COLEC12: variants seen among roughly 807,000 people sequenced by gnomAD.
COLEC12 encodes collectin subfamily member 12.
A neutral mutation model predicts 71.1 loss-of-function variants in COLEC12; 33 were observed. The observed-to-expected ratio is 0.46, with a 90% CI of 0.35 to 0.62. COLEC12 has a LOEUF of 0.62. COLEC12 is among the 20% of genes least tolerant of loss of function. The pLI, the probability that COLEC12 is intolerant of heterozygous loss-of-function variation, is 0.00. For missense variants in COLEC12, 765 were observed against 916.1 expected (o/e 0.84, Z 2.13); for synonymous variants, 350 against 353.0 (o/e 0.99, Z 0.10).
chr18:400,097 G>C (rs576730448), intron 2 of COLEC12, among the ~76,000 whole-genome samples: 139 of 152,280 alleles, frequency 9.1e-4, no homozygotes, highest in African/African-American at 3.1e-3. Flanking sequence ...AGGTCTGCTG[G>C]TGTCACTAGA....
chr18:371,948 G>C (rs994357033), intron 2 of COLEC12, among the ~76,000 whole-genome samples: 3 of 152,310 alleles, frequency 2.0e-5, no homozygotes, highest in Admixed American at 6.5e-5. Flanking sequence ...AATCGATCAA[G>C]TACGTGAGTT....
chr18:382,612 C>A (rs528621511), intron 2 of COLEC12, among the ~76,000 whole-genome samples: 37 of 152,268 alleles, frequency 2.4e-4, no homozygotes, highest in African/African-American at 8.2e-4. Flanking sequence ...TAGCACTAAT[C>A]CCCCCGAGCC....
chr18:369,401 T>TTATTTA lies in COLEC12; in HGVS notation c.59-11880_59-11879insTAAATA, dbSNP rs1555615264. On this transcript the variant is annotated intron_variant, in intron 2 of 9. Coordinates refer to ENST00000400256, the MANE Select transcript of COLEC12 (RefSeq NM_130386.3). The stretch of plus-strand genomic sequence containing the variant: ...GATACAGATCTTTTTTTTTTTATTT[T>TTATTTA]TTTTTATTTTTATTTTTATTTTTAT... Among the ~76,000 whole-genome samples, 6 of 132,400 alleles carry TTATTTA rather than the reference T, an allele frequency of 4.5e-5. 1 individual carries two copies. The highest frequency in any genetic ancestry group is 1.6e-5 in the Non-Finnish European group (1 of 63,956). 86.9% of individuals were successfully genotyped at this position (132,400 alleles called of 152,430 possible).
At chr18:415,012 A>G (rs1915960069) in intron 2 of COLEC12, among the ~76,000 whole-genome samples, 1 of 152,230 alleles carries the variant, frequency 6.6e-6, no homozygotes, top group East Asian at 1.9e-4. Flanking sequence ...CTACTGTCCC[A>G]AAGACAAGAG....
At chr18:389,206 CAG>C (rs1915408375) in intron 2 of COLEC12, among the ~76,000 whole-genome samples, 2 of 117,778 alleles carry the variant, frequency 1.7e-5, no homozygotes, top group East Asian at 4.4e-4. Flanking sequence ...CACACACACA[CAG>C]ACACACACAC....
intron 2 of COLEC12, among the ~76,000 whole-genome samples, chr18:420,475 C>T (rs1191609364): frequency 1.3e-5 from 2 of 152,068 alleles, no homozygotes; most frequent in Non-Finnish European, 1.5e-5. Context: ...AGATTAAATG[C>T]CTTCTGTATA....
chr18:419,511 A>G (rs536937865), intron 2 of COLEC12, among the ~76,000 whole-genome samples: 1 of 152,310 alleles, frequency 6.6e-6, no homozygotes, highest in African/African-American at 2.4e-5. Flanking sequence ...AGCCCTGTAT[A>G]TATTTTAAAT....
At chr18:384,011 C>A (rs1351450586) in intron 2 of COLEC12, among the ~76,000 whole-genome samples, 1 of 152,124 alleles carries the variant, frequency 6.6e-6, no homozygotes. Flanking sequence ...ATCGGGGAAA[C>A]CGCCCCCATG....
Position 321,650 on chromosome 18 carries a change from TCTA to T in COLEC12, c.2209+9_2209+11del. The T allele has an allele frequency of 1.2e-6, 2 of 1,614,110 alleles. No individual in the cohort carries two copies. Among genetic ancestry groups the T allele is most frequent in the Non-Finnish European group, 1.7e-6 (2 of 1,179,986 alleles). ...GCTGGCAGCTCCCTCTTAAATCCCA[TCTA>T]CTGCTCACCTGTCTCCCTGTCTTTT... On this transcript the variant is annotated intron_variant, in intron 9 of 9. Coordinates refer to ENST00000400256, the MANE Select transcript of COLEC12 (RefSeq NM_130386.3).
intron 2 of COLEC12, among the ~76,000 whole-genome samples, chr18:364,506 T>C (rs953272980): frequency 5.9e-5 from 9 of 152,220 alleles, no homozygotes; most frequent in Non-Finnish European, 1.2e-4. Context: ...CATTTTATTC[T>C]ATGGGCACAG....
chr18:346,722 G>A lies in COLEC12; in HGVS notation c.900C>T (p.Ile300=), dbSNP rs781630091. 3 of 1,614,206 alleles carry A rather than the reference G, an allele frequency of 1.9e-6. No homozygotes were observed. Among genetic ancestry groups the A allele is most frequent in the Non-Finnish European group, 2.5e-6 (3 of 1,180,032 alleles). ...GCTCGTTGGCTTGAGAGATAGTGGT[G>A]ATGTTCTCCATCTGACCTGTGAATG... The part of the protein sequence containing the change: ...LNSFTGQMEN[I]TTISQANEQN... Residue 300 remains isoleucine (I), a synonymous_variant, in exon 5 of 10, where the codon ATC becomes ATT. Coordinates refer to ENST00000400256, the MANE Select transcript of COLEC12 (RefSeq NM_130386.3). This position sits in a 1 kb window ranked among gnomAD's most constrained non-coding sequence, Gnocchi z 4.0.
intron 1 of COLEC12, among the ~76,000 whole-genome samples, chr18:493,552 T>C (rs1917656124): frequency 6.6e-6 from 1 of 152,234 alleles, no homozygotes; most frequent in African/African-American, 2.4e-5. Flanking sequence ...TGTTCTACTC[T>C]CTACTTTGGA....
chr18:460,174 C>G (rs1023705508), intron 2 of COLEC12, among the ~76,000 whole-genome samples: 3 of 152,126 alleles, frequency 2.0e-5, no homozygotes, highest in African/African-American at 7.2e-5. Flanking sequence ...TACGTGGAGT[C>G]CCCCTGCTGT....
At chr18:389,670 G>A (rs1215267148) in intron 2 of COLEC12, among the ~76,000 whole-genome samples, 1 of 151,830 alleles carries the variant, frequency 6.6e-6, no homozygotes, top group Non-Finnish European at 1.5e-5. Flanking sequence ...GCCCCTTTTG[G>A]ACTTCTTAAA....
In COLEC12 at chr18:354,729, G is replaced by C. The variant is rs189214769; in HGVS notation, c.181+2671C>G. Among the ~76,000 whole-genome samples the C allele has an allele frequency of 3.9e-5, 6 of 152,026 alleles. 1 individual carries two copies. In the East Asian group the frequency reaches 1.2e-3, roughly 29 times the overall value. On this transcript the variant is annotated intron_variant, in intron 3 of 9. Coordinates refer to ENST00000400256, the MANE Select transcript of COLEC12 (RefSeq NM_130386.3). The stretch of plus-strand genomic sequence containing the variant: ...TTTTAGTTCATTAATGGTGTGTTTG[G>C]AAAGCAAAAGTGCATGTTGTATTAT...
chr18:325,622 T>C (rs915045502), intron 8 of COLEC12, among the ~76,000 whole-genome samples: 2 of 122,294 alleles, frequency 1.6e-5, no homozygotes, highest in African/African-American at 5.9e-5. Context: ...AGTAAAAGGA[T>C]CAGCCTTTTT....
intron 1 of COLEC12, among the ~76,000 whole-genome samples, chr18:497,390 G>A (rs1401086673): frequency 1.0e-5 from 1 of 98,988 alleles, no homozygotes; most frequent in Non-Finnish European, 2.0e-5. Flanking sequence ...TGGGGTGTGT[G>A]TGTGTGTGTG....
intron 3 of COLEC12, among the ~76,000 whole-genome samples, chr18:349,881 C>A (rs1914470976): frequency 6.6e-6 from 1 of 152,216 alleles, no homozygotes; most frequent in Non-Finnish European, 1.5e-5. Context: ...TATATTTACC[C>A]AATACCTGTA....
At chr18:387,700 A>G (rs6506134) in intron 2 of COLEC12, among the ~76,000 whole-genome samples, 59,037 of 152,094 alleles carry the variant, frequency 0.39, 11,693 homozygotes, top group Admixed American at 0.47. Context: ...ATAAATATGT[A>G]CGCTAGGAAA....
Sources: allele counts gnomAD v4.1 joint callset (sites outside exome capture counted in the v4.1 genomes callset), GRCh38; gene constraint gnomAD v4.1.1; non-coding constraint Gnocchi (gnomAD v3.1); transcripts MANE v1.5; gene names NCBI Gene and HGNC (gene_info 2026-07-23, HGNC 2026-07-21).